The following ASB18 variants were observed in gnomAD, a reference collection of about 807,000 sequenced individuals.
ASB18 encodes ankyrin repeat and SOCS box containing 18.
Under a neutral mutation model 33.4 loss-of-function variants are expected in ASB18, and 33 were observed. That is an observed-to-expected ratio of 0.99 (90% CI 0.75 to 1.32). The LOEUF is 1.32. ASB18 is among the 40% of genes most tolerant of loss of function. The pLI is 0.00. For synonymous variants in ASB18, 295 were observed against 307.6 expected (o/e 0.96, Z 0.43); for missense variants, 694 against 655.5 (o/e 1.06, Z -0.64).
chr2:236,251,261 C>T lies in ASB18; in HGVS notation c.206-9859G>A, dbSNP rs115782748. Among the ~76,000 whole-genome samples, 1,471 of 152,236 alleles carry T rather than the reference C, an allele frequency of 9.7e-3. 30 individuals are homozygous for T. The highest frequency in any genetic ancestry group is 0.033 in the African/African-American group (1,383 of 41,530). ...TGGATGAGTGCAAAACACAGCGGCC[C>T]AATCCTCAGCGTGCACAACCACGAG... On this transcript the variant is annotated intron_variant, in intron 1 of 5. Coordinates refer to ENST00000409749, the MANE Select transcript of ASB18 (RefSeq NM_212556.4). This position sits in a 1 kb window ranked among gnomAD's most constrained non-coding sequence, Gnocchi z 5.3.
chr2:236,212,490 G>C (rs575223063), intron 4 of ASB18, among the ~76,000 whole-genome samples: 6 of 152,124 alleles, frequency 3.9e-5, no homozygotes, highest in Non-Finnish European at 7.4e-5. Context: ...ATTTCTAGTC[G>C]CTACTGAAAT....
Position 236,248,992 on chromosome 2 carries a change from T to C in ASB18, c.206-7590A>G, listed in dbSNP as rs770635193. On this transcript the variant is annotated intron_variant, in intron 1 of 5. Coordinates refer to ENST00000409749, the MANE Select transcript of ASB18 (RefSeq NM_212556.4). The surrounding 1 kb of genome is among the most constrained non-coding windows in gnomAD (Gnocchi z 4.9). Reference sequence around the variant, plus strand: ...TTGGGGCACTAGAAGTTTCTTTCTCTTGTTTTTAAGTTAAGAGGTTGTTGG... The same window carrying C: ...TTGGGGCACTAGAAGTTTCTTTCTCCTGTTTTTAAGTTAAGAGGTTGTTGG... The C allele has an allele frequency of 1.1e-4, 16 of 152,242 alleles. No homozygotes were observed. Among genetic ancestry groups the C allele is most frequent in the Non-Finnish European group, 2.4e-4 (16 of 68,048 alleles). 9.4% of individuals were successfully genotyped at this position (152,242 alleles called of 1,614,324 possible). A position where few individuals can be genotyped will look rare whatever the true frequency, so the allele number is the denominator to read the frequency against.
At position 236,241,170 on chromosome 2, in the gene ASB18, C is replaced by T. The variant is rs567924038; in HGVS notation, c.328+110G>A. The T allele has an allele frequency of 2.3e-4, 258 of 1,103,862 alleles. 1 individual carries two copies. In the African/African-American group the frequency reaches 3.1e-3, roughly 13 times the overall value. 68.4% of individuals were successfully genotyped at this position (1,103,862 alleles called of 1,614,324 possible). A position where few individuals can be genotyped will look rare whatever the true frequency, so the allele number is the denominator to read the frequency against. ...TCATCAGATGTCCTTTTCTTGTGTA[C>T]GTTAAACCCAGTGCCACTGTGCCCA... On this transcript the variant is annotated intron_variant, in intron 2 of 5. Coordinates refer to ENST00000409749, the MANE Select transcript of ASB18 (RefSeq NM_212556.4). This position sits in a 1 kb window ranked among gnomAD's most constrained non-coding sequence, Gnocchi z 4.2.
In ASB18 at chr2:236,229,286, G is replaced by C. The variant is rs368387007; in HGVS notation, c.596+8403C>G. 2.0e-5 allele frequency among the ~76,000 whole-genome samples: 3 copies of C among 152,102 alleles called. No homozygotes were observed. Among genetic ancestry groups the C allele is most frequent in the Admixed American group, 6.6e-5 (1 of 15,256 alleles). ...TGGAGATAAAAATATAGTGGATAAGGTTCATGGCAGATCAGGTATTTCAGA... is the reference window on the plus strand; with the variant it reads ...TGGAGATAAAAATATAGTGGATAAGCTTCATGGCAGATCAGGTATTTCAGA... On this transcript the variant is annotated intron_variant, in intron 3 of 5. Transcript: ENST00000409749. The surrounding 1 kb of genome is among the most constrained non-coding windows in gnomAD (Gnocchi z 5.2).
rs1454785571 is a variant in ASB18, at chr2:236,226,363, T to C, written c.596+11326A>G. The stretch of plus-strand genomic sequence containing the variant: ...AATCTGGATTTAAATAAGTCAAGAG[T>C]GTCAAATTAAACAGCCAAAGGGAAA... On this transcript the variant is annotated intron_variant, in intron 3 of 5. Coordinates refer to ENST00000409749, the MANE Select transcript of ASB18 (RefSeq NM_212556.4). This position sits in a 1 kb window ranked among gnomAD's most constrained non-coding sequence, Gnocchi z 4.8. Among the ~76,000 whole-genome samples the C allele has an allele frequency of 6.6e-6, 1 of 151,460 alleles. No homozygotes were observed. The highest frequency in any genetic ancestry group is 1.5e-5 in the Non-Finnish European group (1 of 67,898).
In ASB18 at chr2:236,229,579, C is replaced by T. The variant is rs2060555618; in HGVS notation, c.596+8110G>A. 6.6e-6 allele frequency among the ~76,000 whole-genome samples: 1 copy of T among 152,126 alleles called. No homozygotes were observed. The highest frequency in any genetic ancestry group is 6.5e-5 in the Admixed American group (1 of 15,270). Reference sequence around the variant, plus strand: ...AAAACTTGCCTGGCATGGTGGCTCACACCTCTAATCCCAGCACTTTGAGAG... The same window carrying T: ...AAAACTTGCCTGGCATGGTGGCTCATACCTCTAATCCCAGCACTTTGAGAG... On this transcript the variant is annotated intron_variant, in intron 3 of 5. Transcript: ENST00000409749. The surrounding 1 kb of genome is among the most constrained non-coding windows in gnomAD (Gnocchi z 5.2).
At chr2:236,207,408 G>A (rs1354159491) in intron 4 of ASB18, among the ~76,000 whole-genome samples, 3 of 152,132 alleles carry the variant, frequency 2.0e-5, no homozygotes, top group East Asian at 1.9e-4. Context: ...ATGTCTTCTT[G>A]TACTCCATAG....
At position 236,200,581 on chromosome 2, in the gene ASB18, C is replaced by T. The variant is rs1238798440; in HGVS notation, c.1102-4196G>A. ...CAGCTAGCCTGAGGCAAAGAGCCAG[C>T]CCAGAGAATGCATGTTCTGCCCTCA... On this transcript the variant is annotated intron_variant, in intron 4 of 5. Coordinates refer to ENST00000409749, the MANE Select transcript of ASB18 (RefSeq NM_212556.4). This position sits in a 1 kb window ranked among gnomAD's most constrained non-coding sequence, Gnocchi z 4.2. 6.6e-6 allele frequency among the ~76,000 whole-genome samples: 1 copy of T among 152,146 alleles called. No homozygotes were observed. Among genetic ancestry groups the T allele is most frequent in the Non-Finnish European group, 1.5e-5 (1 of 68,034 alleles).
At chr2:236,202,235 G>A (rs752144016) in intron 4 of ASB18, among the ~76,000 whole-genome samples, 2 of 152,032 alleles carry the variant, frequency 1.3e-5, no homozygotes, top group African/African-American at 2.4e-5. Flanking sequence ...ACAGGTGTGC[G>A]CCACCACACC....
Position 236,264,268 on chromosome 2 carries a change from G to A in ASB18, c.78C>T (p.Ala26=). 1 of 1,613,938 alleles carries A rather than the reference G, an allele frequency of 6.2e-7. No individual in the cohort carries two copies. Among genetic ancestry groups the A allele is most frequent in the Non-Finnish European group, 8.5e-7 (1 of 1,179,848 alleles). Residue 26 remains alanine (A), a synonymous_variant, in exon 1 of 6, where the codon GCC becomes GCT. Coordinates refer to ENST00000409749, the MANE Select transcript of ASB18 (RefSeq NM_212556.4). The surrounding 1 kb of genome is among the most constrained non-coding windows in gnomAD (Gnocchi z 5.1). ...LVKRLKSALD[A]KDEERVRDLI... ...AATCCCTCACTCTCTCCTCATCTTT[G>A]GCATCCAGGGCAGACTTTAATCTCT... is the stretch of plus-strand genomic sequence containing the variant.
At chr2:236,197,596 C>T (rs558889524) in intron 4 of ASB18, among the ~76,000 whole-genome samples, 71 of 152,042 alleles carry the variant, frequency 4.7e-4, no homozygotes, top group African/African-American at 1.6e-3. Flanking sequence ...CTGAGGCAGG[C>T]GGATCACCTG....
chr2:236,252,844 C>T lies in ASB18; in HGVS notation c.205+11297G>A, dbSNP rs765857186. Among the ~76,000 whole-genome samples, 1 of 152,180 alleles carries T rather than the reference C, an allele frequency of 6.6e-6. No homozygotes were observed. Among genetic ancestry groups the T allele is most frequent in the South Asian group, 2.1e-4 (1 of 4,834 alleles). Reference sequence around the variant, plus strand: ...CCCCAGCTGTAGGGAGGACTTGTCACCCCAGCTGTCAGCTCCTCCATGGTT... The same window carrying T: ...CCCCAGCTGTAGGGAGGACTTGTCATCCCAGCTGTCAGCTCCTCCATGGTT... On this transcript the variant is annotated intron_variant, in intron 1 of 5. Coordinates refer to ENST00000409749, the MANE Select transcript of ASB18 (RefSeq NM_212556.4). This position sits in a 1 kb window ranked among gnomAD's most constrained non-coding sequence, Gnocchi z 7.9.
rs755922467 is a variant in ASB18 at position 236,244,872 on chromosome 2, C to T, written c.206-3470G>A. Among the ~76,000 whole-genome samples, 5 of 152,158 alleles carry T rather than the reference C, an allele frequency of 3.3e-5. No individual in the cohort carries two copies. Among genetic ancestry groups the T allele is most frequent in the African/African-American group, 4.8e-5 (2 of 41,440 alleles). On this transcript the variant is annotated intron_variant, in intron 1 of 5. Coordinates refer to ENST00000409749, the MANE Select transcript of ASB18 (RefSeq NM_212556.4). This position sits in a 1 kb window ranked among gnomAD's most constrained non-coding sequence, Gnocchi z 6.1. ...TTGTTGTAGAACCCTTGTTCTGACC[C>T]CTGTTACAGGCATGAGTTTATGTGC...
In ASB18 at chr2:236,229,716, C is replaced by T. The variant is rs2060556008; in HGVS notation, c.596+7973G>A. 6.6e-6 allele frequency among the ~76,000 whole-genome samples: 1 copy of T among 152,042 alleles called. No homozygotes were observed. Among genetic ancestry groups the T allele is most frequent in the African/African-American group, 2.4e-5 (1 of 41,384 alleles). On this transcript the variant is annotated intron_variant, in intron 3 of 5. Transcript: ENST00000409749. This position sits in a 1 kb window ranked among gnomAD's most constrained non-coding sequence, Gnocchi z 5.2. The stretch of plus-strand genomic sequence containing the variant: ...AATTAGCTGGTGTGGTGGCATGCAC[C>T]TGTAATCCCAGCTATCTGGGAGGCT...
At chr2:236,230,572 T>C (rs184399359) in intron 3 of ASB18, among the ~76,000 whole-genome samples, 17 of 151,990 alleles carry the variant, frequency 1.1e-4, no homozygotes, top group African/African-American at 3.4e-4. Context: ...TTACCAATAA[T>C]AGCACAAAGG....
Position 236,194,121 on chromosome 2 carries a change from T to C in ASB18, c.*751A>G, listed in dbSNP as rs2060360258. 6.6e-6 allele frequency among the ~76,000 whole-genome samples: 1 copy of C among 152,158 alleles called. No individual in the cohort carries two copies. The highest frequency in any genetic ancestry group is 2.4e-5 in the African/African-American group (1 of 41,384). On this transcript the variant is annotated 3_prime_UTR_variant, in exon 6 of 6. Coordinates refer to ENST00000409749, the MANE Select transcript of ASB18 (RefSeq NM_212556.4). This position sits in a 1 kb window ranked among gnomAD's most constrained non-coding sequence, Gnocchi z 4.5. ...CAAATTATTGTAAAGTAAAAATTCA[T>C]AAGGCATACAATAATCATCCAAATG...
At chr2:236,233,329 T>C (rs2060575542) in intron 3 of ASB18, among the ~76,000 whole-genome samples, 1 of 152,092 alleles carries the variant, frequency 6.6e-6, no homozygotes. Flanking sequence ...ACAGCTAATA[T>C]CATACTTAGT....
At chr2:236,258,473 A>G (rs2060703448) in intron 1 of ASB18, among the ~76,000 whole-genome samples, 4 of 152,170 alleles carry the variant, frequency 2.6e-5, no homozygotes, top group Admixed American at 2.6e-4. Context: ...ATTACACCAC[A>G]TCTTGGCACC....
chr2:236,197,650 C>A (rs1397861454), intron 4 of ASB18, among the ~76,000 whole-genome samples: 1 of 152,076 alleles, frequency 6.6e-6, no homozygotes. Context: ...GGAGAAACAC[C>A]GTCTCTACTT....
Sources: allele counts gnomAD v4.1 joint callset (sites outside exome capture counted in the v4.1 genomes callset), GRCh38; gene constraint gnomAD v4.1.1; non-coding constraint Gnocchi (gnomAD v3.1); transcripts MANE v1.5; gene names NCBI Gene and HGNC (gene_info 2026-07-23, HGNC 2026-07-21).